TEX2: variants seen among roughly 807,000 people sequenced by gnomAD.
TEX2 encodes testis expressed 2, also known as testis-expressed protein 2.
TEX2 carries 53 observed loss-of-function variants against 106.9 expected under a neutral mutation model. The ratio of observed to expected loss-of-function variants is 0.50; its 90% CI spans 0.40 to 0.62. TEX2 has a LOEUF of 0.62. Ranked by LOEUF, TEX2 falls within the 20% of genes least tolerant of loss-of-function variation. The pLI, the probability that TEX2 is intolerant of heterozygous loss-of-function variation, is 0.00. For synonymous variants in TEX2, 523 were observed against 534.8 expected (o/e 0.98, Z 0.30); for missense variants, 1,207 against 1,379.0 (o/e 0.88, Z 1.98).
At chr17:64,214,992 ACTGCTGTAACC>A (rs1283057870) in intron 1 of TEX2, among the ~76,000 whole-genome samples, 1 of 152,246 alleles carries the variant, frequency 6.6e-6, no homozygotes, top group Non-Finnish European at 1.5e-5. Flanking sequence ...ATGAAGTATC[ACTGCTGTAACC>A]CACCACCAAC....
intron 6 of TEX2, among the ~76,000 whole-genome samples, chr17:64,176,825 G>A (rs1216908213): frequency 6.6e-6 from 1 of 152,188 alleles, no homozygotes; most frequent in African/African-American, 2.4e-5. Context: ...GAGGCCTTAA[G>A]TAGTCTGGTG....
rs2031372827 is a variant in TEX2 at position 64,171,086 on chromosome 17, C to T, written c.2671+14G>A. 1 of 1,602,806 alleles carries T rather than the reference C, an allele frequency of 6.2e-7. No homozygotes were observed. The highest frequency in any genetic ancestry group is 1.3e-5 in the African/African-American group (1 of 74,698). On this transcript the variant is annotated intron_variant, in intron 7 of 11. Transcript: ENST00000584379. The stretch of plus-strand genomic sequence containing the variant: ...TATATTTTAACACTCATAGAATGGT[C>T]AGTTAGGAGTTACCTTGGTGATCAA...
chr17:64,220,934 A>G (rs1307982844), intron 1 of TEX2, among the ~76,000 whole-genome samples: 1 of 152,248 alleles, frequency 6.6e-6, no homozygotes, highest in African/African-American at 2.4e-5. Context: ...CACAATAGTA[A>G]AGACACAGAA....
At position 64,206,490 on chromosome 17, in the gene TEX2, G is replaced by A. The variant is rs142368490; in HGVS notation, c.1644+6084C>T. Among the ~76,000 whole-genome samples the A allele has an allele frequency of 2.5e-3, 385 of 151,746 alleles. 1 individual carries two copies. Among genetic ancestry groups the A allele is most frequent in the African/African-American group, 9.1e-3 (375 of 41,348 alleles). On this transcript the variant is annotated intron_variant, in intron 2 of 11. Transcript: ENST00000584379. ...TACTAAGAACAAGCAAGCTTTGGAG[G>A]AGGTCCTAAGAATTCTTCTGTGGAC...
intron 7 of TEX2, among the ~76,000 whole-genome samples, chr17:64,169,006 C>T (rs1568875): frequency 0.53 from 79,244 of 150,644 alleles, 22,686 homozygotes; most frequent in East Asian, 0.82. Context: ...CCCGAGGTTA[C>T]ATCTTCATCT....
intron 2 of TEX2, among the ~76,000 whole-genome samples, chr17:64,208,516 G>A (rs1555631106): frequency 6.6e-6 from 1 of 151,976 alleles, no homozygotes; most frequent in African/African-American, 2.4e-5. Flanking sequence ...TGGGATTACA[G>A]GGGTGAGCCA....
chr17:64,188,857 G>C (rs1391299469), intron 4 of TEX2, among the ~76,000 whole-genome samples: 1 of 151,754 alleles, frequency 6.6e-6, no homozygotes, highest in Non-Finnish European at 1.5e-5. Context: ...TTCCCACCCT[G>C]AAAAGTACCT....
At chr17:64,235,175 CAGGT>C (rs2033741017) in intron 1 of TEX2, among the ~76,000 whole-genome samples, 1 of 152,154 alleles carries the variant, frequency 6.6e-6, no homozygotes, top group East Asian at 1.9e-4. Flanking sequence ...ACAATTCTGC[CAGGT>C]AGGTACTATC....
At chr17:64,249,734 C>T (rs573922414) in intron 1 of TEX2, among the ~76,000 whole-genome samples, 65 of 152,210 alleles carry the variant, frequency 4.3e-4, no homozygotes, top group African/African-American at 1.5e-3. Context: ...ATTTTAGTAC[C>T]TCCTGAAATA....
chr17:64,228,929 TACACACACACAC>T (rs57741930), intron 1 of TEX2, among the ~76,000 whole-genome samples: 17,567 of 146,058 alleles, frequency 0.12, 1,201 homozygotes, highest in African/African-American at 0.19. Flanking sequence ...GACTGACAGG[TACACACACACAC>T]ACACACACAC....
chr17:64,204,526 G>T (rs1435284520), intron 2 of TEX2, among the ~76,000 whole-genome samples: 1 of 152,218 alleles, frequency 6.6e-6, no homozygotes, highest in Non-Finnish European at 1.5e-5. Flanking sequence ...ACTAGAAAGA[G>T]CAAAGACTGA....
intron 1 of TEX2, among the ~76,000 whole-genome samples, chr17:64,260,167 C>G (rs1555638365): frequency 6.6e-6 from 1 of 152,230 alleles, no homozygotes; most frequent in African/African-American, 2.4e-5. Flanking sequence ...ACATCGGCAT[C>G]TAACTCTGGC....
At chr17:64,225,303 A>G (rs1407541049) in intron 1 of TEX2, among the ~76,000 whole-genome samples, 1 of 152,092 alleles carries the variant, frequency 6.6e-6, no homozygotes, top group Non-Finnish European at 1.5e-5. Context: ...AAACAACAAA[A>G]AAAGAATATT....
intron 7 of TEX2, among the ~76,000 whole-genome samples, chr17:64,166,869 G>A (rs986431817): frequency 6.6e-6 from 1 of 152,208 alleles, no homozygotes; most frequent in African/African-American, 2.4e-5. Flanking sequence ...GGGTAGGGAT[G>A]AGGGCTGGGT....
At position 64,213,301 on chromosome 17, in the gene TEX2, C is replaced by A; in HGVS notation, c.917G>T (p.Ser306Ile). The stretch of plus-strand genomic sequence containing the variant: ...GCCACTTTCTTCCCCTATAATTTTA[C>A]TAAGGAGCTGAAAAGGCTCATAGAT... ...EVIYEPFQLLSKIIGEESGSH... is the reference protein window; with the variant it reads ...EVIYEPFQLLIKIIGEESGSH... The change falls in exon 2 of 12, where the codon AGT becomes ATT. Residue 306 changes from serine to isoleucine, a missense_variant. Physicochemically the swap from Ser to Ile is moderately radical, Grantham distance 142. Around this residue, in one of 3 missense-constraint regions of TEX2, gnomAD observed 1,067 missense variants for 1,193.6 expected, o/e 0.89. Transcript: ENST00000584379. The surrounding 1 kb of genome is among the most constrained non-coding windows in gnomAD (Gnocchi z 4.4). 6.2e-7 allele frequency: 1 copy of A among 1,614,102 alleles called. No individual in the cohort carries two copies. Among genetic ancestry groups the A allele is most frequent in the Non-Finnish European group, 8.5e-7 (1 of 1,180,040 alleles).
intron 7 of TEX2, among the ~76,000 whole-genome samples, chr17:64,163,582 A>G (rs2030985418): frequency 6.6e-6 from 1 of 152,250 alleles, no homozygotes; most frequent in South Asian, 2.1e-4. Flanking sequence ...TGCTTTTGTA[A>G]CAATGATTCA....
chr17:64,225,912 T>C (rs1028062923), intron 1 of TEX2, among the ~76,000 whole-genome samples: 1 of 152,080 alleles, frequency 6.6e-6, no homozygotes, highest in Non-Finnish European at 1.5e-5. Flanking sequence ...GAAACAGAAA[T>C]TCGCCATGTT....
intron 1 of TEX2, among the ~76,000 whole-genome samples, chr17:64,260,575 T>C (rs2034271940): frequency 6.6e-6 from 1 of 152,208 alleles, no homozygotes; most frequent in Non-Finnish European, 1.5e-5. Context: ...GAGCCTCGGT[T>C]TCCTCTTCTG....
At chr17:64,244,503 A>G (rs1015665112) in intron 1 of TEX2, among the ~76,000 whole-genome samples, 2 of 151,762 alleles carry the variant, frequency 1.3e-5, no homozygotes, top group Non-Finnish European at 2.9e-5. Flanking sequence ...CAGCTTCCCA[A>G]GAAAGATCAA....
Sources: gnomAD v4.1 joint callset for allele counts (sites outside exome capture counted in the v4.1 genomes callset) on GRCh38, gnomAD v4.1.1 for gene constraint, gnomAD v4.1.1 regional missense constraint, Gnocchi (gnomAD v3.1) non-coding constraint, MANE v1.5 for transcripts, NCBI Gene and HGNC (gene_info 2026-07-23, HGNC 2026-07-21) for gene names.